Variants in MAP3K12 observed in about 807,000 individuals in gnomAD.
MAP3K12 encodes mitogen-activated protein kinase kinase kinase 12, also known as MAPK-upstream kinase.
A neutral mutation model predicts 87.5 loss-of-function variants in MAP3K12; 14 were observed. That is an observed-to-expected ratio of 0.16 (90% CI 0.11 to 0.25). The LOEUF (loss-of-function observed/expected upper bound fraction) is 0.25. Among genes scored for constraint, MAP3K12 ranks in the 10% least tolerant of loss-of-function variants. The pLI is 1.00. For missense variants in MAP3K12, 802 were observed against 1,140.4 expected (o/e 0.70, Z 4.27); for synonymous variants, 469 against 452.5 (o/e 1.04, Z -0.46).
chr12:53,481,454 A>G, intron 13 of MAP3K12, 174 bp from the exon 14 acceptor site: 1 of 332,144 alleles, frequency 3.0e-6, no homozygotes, highest in Non-Finnish European at 5.5e-6. Context: ...GGTTCAAGCA[A>G]TTCTTCTGCC....
Position 53,486,036 on chromosome 12 carries a change from C to T in MAP3K12, c.821+20G>A, listed in dbSNP as rs770826558. On this transcript the variant is annotated intron_variant, in intron 4 of 13. Transcript: ENST00000547488. The surrounding 1 kb of genome is among the most constrained non-coding windows in gnomAD (Gnocchi z 4.9). ...GGGTCACCTGCATGCACATCTGTTG[C>T]TCCCTGCTTGCTTACTCACTTGGGT... is the stretch of plus-strand genomic sequence containing the variant. The T allele has an allele frequency of 6.3e-7, 1 of 1,584,232 alleles. No homozygotes were observed. Among genetic ancestry groups the T allele is most frequent in the East Asian group, 2.2e-5 (1 of 44,664 alleles).
At position 53,482,386 on chromosome 12, in the gene MAP3K12, G is replaced by GT. The variant is rs751213898; in HGVS notation, c.2239-18dup. ...GCCACGTTTCTGCAGGAGAGATGGGGTGGGGGGGGTCTGATTAGAAGTGGA... is the reference window on the plus strand; with the variant it reads ...GCCACGTTTCTGCAGGAGAGATGGGGTTGGGGGGGGTCTGATTAGAAGTGGA... On this transcript the variant is annotated splice_polypyrimidine_tract_variant and intron_variant, in intron 11 of 13. Coordinates refer to ENST00000547488, the MANE Select transcript of MAP3K12 (RefSeq NM_001193511.2). 1.2e-6 allele frequency: 2 copies of GT among 1,613,052 alleles called. No individual in the cohort carries two copies. Among genetic ancestry groups the GT allele is most frequent in the Non-Finnish European group, 1.7e-6 (2 of 1,179,408 alleles).
Position 53,487,155 on chromosome 12 carries a change from A to G in MAP3K12, c.237T>C (p.Ser79=), listed in dbSNP as rs774748143. Residue 79 remains serine, a synonymous_variant, in exon 2 of 14, where the codon AGT becomes AGC. Coordinates refer to ENST00000547488, the MANE Select transcript of MAP3K12 (RefSeq NM_001193511.2). Reference sequence around the variant, plus strand: ...CATCCTGCTCATGTAGCTGCAGGACACTGTTGGCAAAAGGCTCAGGGGGCG... The same window carrying G: ...CATCCTGCTCATGTAGCTGCAGGACGCTGTTGGCAAAAGGCTCAGGGGGCG... The part of the protein sequence containing the change: ...GEPPPEPFAN[S]VLQLHEQDAG... 6 of 1,613,964 alleles carry G rather than the reference A, an allele frequency of 3.7e-6. No homozygotes were observed. The highest frequency in any genetic ancestry group is 4.2e-6 in the Non-Finnish European group (5 of 1,179,946).
chr12:53,484,079 G>T, intron 7 of MAP3K12, 59 bp from the exon 8 acceptor site: 1 of 1,549,420 alleles, frequency 6.5e-7, no homozygotes, highest in Non-Finnish European at 8.9e-7. Context: ...GAAAGGCTCT[G>T]CAGGTTGCCC....
intron 4 of MAP3K12, 124 bp from the exon 5 acceptor site, chr12:53,485,599 A>C: frequency 2.7e-6 from 3 of 1,109,254 alleles, no homozygotes; most frequent in Non-Finnish European, 2.6e-6. Flanking sequence ...TCTGTCACTC[A>C]GGCTGGAGTG....
chr12:53,483,292 C>T (rs1592708985), intron 10 of MAP3K12, 57 bp downstream of exon 10: 1 of 1,593,662 alleles, frequency 6.3e-7, no homozygotes, highest in East Asian at 2.2e-5. Context: ...GCTAATATAC[C>T]TGTTGCCACT....
At position 53,486,489 on chromosome 12, in the gene MAP3K12, G is replaced by T; in HGVS notation, c.579C>A (p.Thr193=). The T allele has an allele frequency of 1.2e-6, 2 of 1,614,168 alleles. No individual in the cohort carries two copies. The highest frequency in any genetic ancestry group is 1.7e-6 in the Non-Finnish European group (2 of 1,180,038). The part of the protein sequence containing the change: ...AVKKVRDLKE[T]DIKHLRKLKH... Reference sequence around the variant, plus strand: ...TCAGCTTTCGCAAGTGCTTGATGTCGGTTTCTTTGAGGTCTCGCACCTTCT... The same window carrying T: ...TCAGCTTTCGCAAGTGCTTGATGTCTGTTTCTTTGAGGTCTCGCACCTTCT... The change falls in exon 3 of 14, where the codon ACC becomes ACA. Residue 193 remains threonine, a synonymous_variant. Coordinates refer to ENST00000547488, the MANE Select transcript of MAP3K12 (RefSeq NM_001193511.2). This position sits in a 1 kb window ranked among gnomAD's most constrained non-coding sequence, Gnocchi z 4.9.
At chr12:53,495,339 CAAAAAAAAAAAAAAAA>C (rs10647631) in intron 1 of MAP3K12, among the ~76,000 whole-genome samples, 5 of 19,378 alleles carry the variant, frequency 2.6e-4, no homozygotes, top group Admixed American at 2.0e-3. Flanking sequence ...ACTCTGTCTC[CAAAAAAAAAAAAAAAA>C]AAAAAAAAAA....
At chr12:53,498,776 G>T (rs1361526785) in intron 1 of MAP3K12, among the ~76,000 whole-genome samples, 1 of 151,836 alleles carries the variant, frequency 6.6e-6, no homozygotes, top group South Asian at 2.1e-4. Context: ...GCTGGATGGA[G>T]GTGAATGCCA....
chr12:53,486,413 C>T lies in MAP3K12; in HGVS notation c.629+26G>A, dbSNP rs1387101433. 2 of 1,611,680 alleles carry T rather than the reference C, an allele frequency of 1.2e-6. No homozygotes were observed. On this transcript the variant is annotated intron_variant, in intron 3 of 13. Coordinates refer to ENST00000547488, the MANE Select transcript of MAP3K12 (RefSeq NM_001193511.2). The surrounding 1 kb of genome is among the most constrained non-coding windows in gnomAD (Gnocchi z 4.9). ...CCAGGCCTTAGCATAGTATCCCCAA[C>T]ACCCAGCCCCTGCCCTGGACCTCAC...
intron 1 of MAP3K12, among the ~76,000 whole-genome samples, chr12:53,495,495 C>T (rs922693617): frequency 5.4e-5 from 8 of 147,942 alleles, no homozygotes; most frequent in African/African-American, 7.5e-5. Flanking sequence ...ACCTGTAGTC[C>T]GCCGCCACTG....
At position 53,483,082 on chromosome 12, in the gene MAP3K12, C is replaced by T. The variant is rs898097230; in HGVS notation, c.1721G>A (p.Arg574His). 15 of 1,535,302 alleles carry T rather than the reference C, an allele frequency of 9.8e-6. No homozygotes were observed. The highest frequency in any genetic ancestry group is 5.5e-5 in the African/African-American group (4 of 72,126). ...CTTGCGGTGACGGGTCTTGCCACGG[C>T]GACTCCGTCCTGGTGAGGGGGGGCC... Reference protein sequence around the residue: ...PKGPPSPGRSRRGKTRHRKAS... With the variant: ...PKGPPSPGRSHRGKTRHRKAS... The change falls in exon 11 of 14, where the codon CGC becomes CAC. Residue 574 changes from arginine to histidine, a missense_variant. Transcript: ENST00000547488.
intron 13 of MAP3K12, 162 bp downstream of exon 13, chr12:53,481,776 TAGA>T (rs1943057984): frequency 2.5e-6 from 2 of 786,240 alleles, no homozygotes; most frequent in South Asian, 3.8e-5. Context: ...GGCATCGTAA[TAGA>T]TGCTCTGTGC....
chr12:53,493,033 G>A (rs1040899502), intron 1 of MAP3K12: 4 of 149,358 alleles, frequency 2.7e-5, no homozygotes, highest in African/African-American at 9.7e-5. Flanking sequence ...CGGCCGTCAC[G>A]TGGCGCGTGG....
chr12:53,486,328 A>G lies in MAP3K12; in HGVS notation c.630-81T>C, dbSNP rs1943227330. The G allele has an allele frequency of 6.4e-7, 1 of 1,554,162 alleles. No homozygotes were observed. Among genetic ancestry groups the G allele is most frequent in the Non-Finnish European group, 8.7e-7 (1 of 1,145,510 alleles). ...ATACCTGGAACCCCCATTCCCACCC[A>G]TTCCACCTATGGATCTCCTCTGGGG... On this transcript the variant is annotated intron_variant, in intron 3 of 13. Transcript: ENST00000547488. The surrounding 1 kb of genome is among the most constrained non-coding windows in gnomAD (Gnocchi z 4.9).
In MAP3K12 at chr12:53,481,972, G is replaced by A; in HGVS notation, c.2549C>T (p.Pro850Leu). 6.2e-7 allele frequency: 1 copy of A among 1,614,034 alleles called. No homozygotes were observed. Residue 850 changes from proline to leucine, a missense_variant, in exon 13 of 14, where the codon CCC becomes CTC. Pro to Leu is a moderately conservative substitution (Grantham distance 98). Transcript: ENST00000547488. ...TCTGAGAAGTTCCTGGTGTGGAATG[G>A]GCAGGGAGCTGGGTTCAGGGCCAGG... ...VIPGPEPSSL[P>L]IPHQELLRER...
chr12:53,481,629 T>A, intron 13 of MAP3K12: 1 of 352,920 alleles, frequency 2.8e-6, no homozygotes, highest in Non-Finnish European at 5.2e-6. Context: ...ATTCCAGGCG[T>A]GAGTCACCAT....
upstream of MAP3K12, chr12:53,501,002 G>GT (rs1943675339): frequency 4.6e-6 from 1 of 217,128 alleles, no homozygotes; most frequent in Admixed American, 5.5e-5. Context: ...CCGTGCCCAA[G>GT]TGAGTCCTTA....
chr12:53,489,530 G>C (rs1214414063), intron 1 of MAP3K12, among the ~76,000 whole-genome samples: 1 of 152,172 alleles, frequency 6.6e-6, no homozygotes, highest in Admixed American at 6.5e-5. Flanking sequence ...CTCCACACTT[G>C]TCAGTTACCA....
Sources: allele counts gnomAD v4.1 joint callset (sites outside exome capture counted in the v4.1 genomes callset), GRCh38; gene constraint gnomAD v4.1.1; non-coding constraint Gnocchi (gnomAD v3.1); transcripts MANE v1.5; gene names NCBI Gene and HGNC (gene_info 2026-07-23, HGNC 2026-07-21).